Variants in PJA2 observed in about 807,000 individuals in gnomAD.
PJA2 encodes the protein E3 ubiquitin-protein ligase Praja-2.
Under a neutral mutation model 69.3 loss-of-function variants are expected in PJA2, and 25 were observed. That is an observed-to-expected ratio of 0.36 (90% CI 0.26 to 0.50). PJA2 has a LOEUF of 0.50. PJA2 is among the 20% of genes least tolerant of loss of function. The pLI is 0.96. For synonymous variants in PJA2, 308 were observed against 277.8 expected (o/e 1.11, Z -1.08); for missense variants, 809 against 830.2 (o/e 0.97, Z 0.31).
intron 1 of PJA2, among the ~76,000 whole-genome samples, chr5:109,391,415 C>T (rs1747278620): frequency 6.6e-6 from 1 of 152,078 alleles, no homozygotes; most frequent in Non-Finnish European, 1.5e-5. Context: ...TCCCTCTCTG[C>T]TTCTGTCTGT....
intron 5 of PJA2, among the ~76,000 whole-genome samples, chr5:109,367,190 A>G (rs971086846): frequency 2.0e-5 from 3 of 149,300 alleles, no homozygotes; most frequent in Non-Finnish European, 3.0e-5. Flanking sequence ...TATGATATAT[A>G]TATCTCTCTC....
At chr5:109,365,343 A>G (rs888785851) in intron 5 of PJA2, among the ~76,000 whole-genome samples, 3 of 152,224 alleles carry the variant, frequency 2.0e-5, no homozygotes, top group Non-Finnish European at 4.4e-5. Flanking sequence ...GGAAATCTAT[A>G]TGAATATGGA....
chr5:109,383,401 A>G lies in PJA2; in HGVS notation c.31+2T>C, dbSNP rs558933662. 6.8e-6 allele frequency: 11 copies of G among 1,613,324 alleles called. No individual in the cohort carries two copies. In the East Asian group the frequency reaches 2.5e-4, roughly 36 times the overall value. ...CAATGTAGAAGAACTGACTTTCCTT[A>G]CCTGCTGGCTCCTTTTCAGTGTACT... On this transcript the variant is annotated splice_donor_variant, in intron 2 of 9. Transcript: ENST00000361189. LOFTEE classifies it high-confidence loss of function.
At chr5:109,376,216 T>C (rs1164813571) in intron 4 of PJA2, among the ~76,000 whole-genome samples, 2 of 149,612 alleles carry the variant, frequency 1.3e-5, no homozygotes, top group Middle Eastern at 3.4e-3. Context: ...GGACAGTTTC[T>C]ATTAACTGTA....
Position 109,337,194 on chromosome 5 carries a change from T to C in PJA2, c.*37A>G, listed in dbSNP as rs768832102. 1.3e-6 allele frequency: 2 copies of C among 1,580,268 alleles called. No individual in the cohort carries two copies. Among genetic ancestry groups the C allele is most frequent in the African/African-American group, 2.7e-5 (2 of 73,354 alleles). ...GAAATTTAGAAGGAATTTGCAGATTTACTTTGATACACTGATCTCATTTCA... is the reference window on the plus strand; with the variant it reads ...GAAATTTAGAAGGAATTTGCAGATTCACTTTGATACACTGATCTCATTTCA... On this transcript the variant is annotated 3_prime_UTR_variant, in exon 10 of 10. Transcript: ENST00000361189.
intron 1 of PJA2, among the ~76,000 whole-genome samples, chr5:109,401,523 C>T (rs183285516): frequency 6.6e-6 from 1 of 152,008 alleles, no homozygotes; most frequent in African/African-American, 2.4e-5. Context: ...ATACTGACAG[C>T]AGAAAAAAGG....
chr5:109,347,678 C>A (rs1030766289), intron 7 of PJA2, among the ~76,000 whole-genome samples: 31 of 152,198 alleles, frequency 2.0e-4, no homozygotes, highest in African/African-American at 7.2e-4. Context: ...CATAAATACT[C>A]CTCCATAAGC....
chr5:109,372,664 G>A (rs1431996385), intron 4 of PJA2, among the ~76,000 whole-genome samples: 1 of 151,946 alleles, frequency 6.6e-6, no homozygotes, highest in African/African-American at 2.4e-5. Flanking sequence ...CCAGCACTTT[G>A]GGAGGTTGAG....
chr5:109,368,825 G>T, intron 4 of PJA2, 79 bp from the exon 5 acceptor site: 1 of 1,392,820 alleles, frequency 7.2e-7, no homozygotes, highest in Non-Finnish European at 9.7e-7. Context: ...AGATGATATG[G>T]TTTGGATCTG....
intron 1 of PJA2, among the ~76,000 whole-genome samples, chr5:109,394,039 C>CTTTTTTTTT (rs75679188): frequency 4.9e-5 from 4 of 81,858 alleles, no homozygotes; most frequent in Non-Finnish European, 4.9e-5. Context: ...TTCTAATTCT[C>CTTTTTTTTT]TTTTTTTTTT....
chr5:109,396,000 C>CAA (rs368922382), intron 1 of PJA2, among the ~76,000 whole-genome samples: 129 of 107,740 alleles, frequency 1.2e-3, no homozygotes, highest in Middle Eastern at 4.2e-3. Context: ...AACTCTATCT[C>CAA]AAAAAAAAAA....
Position 109,356,029 on chromosome 5 carries a change from GA to G in PJA2, c.1653-4del, listed in dbSNP as rs199524515. Reference sequence around the variant, plus strand: ...CATCTGCAAAGCCATCAAATAGGCTGAAAAAAAAAAAAAATAACAGAAAAAA... The same window carrying G: ...CATCTGCAAAGCCATCAAATAGGCTGAAAAAAAAAAAAATAACAGAAAAAA... On this transcript the variant is annotated splice_region_variant and splice_polypyrimidine_tract_variant and intron_variant, in intron 6 of 9. Transcript: ENST00000361189. 143,922 of 1,352,086 alleles carry G rather than the reference GA, an allele frequency of 0.11. 3,666 individuals are homozygous for G. The highest frequency in any genetic ancestry group is 0.36 in the East Asian group (13,249 of 37,182). 83.8% of individuals were successfully genotyped at this position (1,352,086 alleles called of 1,614,324 possible).
Position 109,381,688 on chromosome 5 carries a change from G to A in PJA2, c.47C>T (p.Ser16Phe). Residue 16 changes from serine (S) to phenylalanine (F), a missense_variant, in exon 3 of 10, where the codon TCT becomes TTT. Around this residue, in one of 4 missense-constraint regions of PJA2, gnomAD observed 700 missense variants for 639.5 expected, o/e 1.09. Transcript: ENST00000361189. ...EKEPAAMDQE[S>F]GKAVWPKPAG... ...TGGTTTGGGCCAGACAGCCTTACCAGATTCTTGGTCCATTGCTGAAAAAAA... is the reference window on the plus strand; with the variant it reads ...TGGTTTGGGCCAGACAGCCTTACCAAATTCTTGGTCCATTGCTGAAAAAAA... 6.2e-7 allele frequency: 1 copy of A among 1,613,664 alleles called. No homozygotes were observed. The highest frequency in any genetic ancestry group is 8.5e-7 in the Non-Finnish European group (1 of 1,179,950).
intron 6 of PJA2, among the ~76,000 whole-genome samples, chr5:109,360,548 T>G (rs1762489407): frequency 6.6e-6 from 1 of 152,194 alleles, no homozygotes; most frequent in South Asian, 2.1e-4. Flanking sequence ...TATTTTAATA[T>G]GGAAATGAAA....
intron 1 of PJA2, among the ~76,000 whole-genome samples, chr5:109,397,304 C>T (rs1213722370): frequency 2.0e-5 from 3 of 152,112 alleles, no homozygotes; most frequent in Non-Finnish European, 2.9e-5. Context: ...AGACAGACAG[C>T]TATAACATCA....
chr5:109,402,735 C>T (rs546297967), intron 1 of PJA2, among the ~76,000 whole-genome samples: 1 of 152,070 alleles, frequency 6.6e-6, no homozygotes, highest in Non-Finnish European at 1.5e-5. Context: ...GGGACATTTA[C>T]TGAGAGTAAC....
intron 1 of PJA2, among the ~76,000 whole-genome samples, chr5:109,400,020 T>C (rs543096611): frequency 4.6e-5 from 7 of 152,184 alleles, no homozygotes; most frequent in Non-Finnish European, 8.8e-5. Flanking sequence ...CCAGGCTCAG[T>C]GGCTCACACC....
chr5:109,403,041 T>C (rs1387400648), intron 1 of PJA2, among the ~76,000 whole-genome samples: 3 of 150,456 alleles, frequency 2.0e-5, no homozygotes, highest in South Asian at 2.1e-4. Context: ...GAAGCAGAAA[T>C]CAATAAAACT....
Position 109,337,269 on chromosome 5 carries a change from C to A in PJA2, c.2089G>T (p.Ala697Ser). 6.2e-7 allele frequency: 1 copy of A among 1,613,534 alleles called. No homozygotes were observed. The highest frequency in any genetic ancestry group is 1.7e-4 in the Middle Eastern group (1 of 6,034). Residue 697 changes from alanine (A) to serine (S), a missense_variant, in exon 10 of 10, where the codon GCC (alanine) becomes TCC (serine). This residue lies in a region of PJA2 where 35 missense variants were observed against 37.0 expected (regional missense o/e 0.94). Coordinates refer to ENST00000361189, the MANE Select transcript of PJA2 (RefSeq NM_014819.5). ...GCAATACTGTCATTTGAAGGTGGGG[C>A]ATCAGGATCAGGCTCAGAGGAAGGA... ...AAPSSEPDPD[A>S]PPSNDSIAEA...
Sources: gnomAD v4.1 joint callset for allele counts (sites outside exome capture counted in the v4.1 genomes callset) on GRCh38, gnomAD v4.1.1 for gene constraint, gnomAD v4.1.1 regional missense constraint, MANE v1.5 for transcripts, NCBI Gene and HGNC (gene_info 2026-07-23, HGNC 2026-07-21) for gene names.